ZFHX3: variants seen among roughly 807,000 people sequenced by gnomAD.
ZFHX3 encodes zinc finger homeobox protein 3.
Under a neutral mutation model 279.1 loss-of-function variants are expected in ZFHX3, and 42 were observed. That is an observed-to-expected ratio of 0.15 (90% CI 0.12 to 0.19). The LOEUF is 0.19. Among genes scored for constraint, ZFHX3 ranks in the 10% least tolerant of loss-of-function variants. The pLI, the probability that ZFHX3 is intolerant of heterozygous loss-of-function variation, is 1.00. For missense variants in ZFHX3, 4,981 were observed against 4,754.0 expected (o/e 1.05, Z -1.40); for synonymous variants, 2,293 against 1,957.8 (o/e 1.17, Z -4.52).
At chr16:73,213,957 C>CA (rs892125461) in intron 5 of ZFHX3, among the ~76,000 whole-genome samples, 1 of 152,190 alleles carries the variant, frequency 6.6e-6, no homozygotes, top group Admixed American at 6.5e-5. Flanking sequence ...TTATTAAGAA[C>CA]ATATTTACCA....
chr16:73,648,025 C>G (rs930775043), intron 2 of ZFHX3, among the ~76,000 whole-genome samples: 4 of 152,162 alleles, frequency 2.6e-5, no homozygotes, highest in African/African-American at 7.2e-5. Context: ...AAAGTGTGGT[C>G]TTTCATGCAC....
At chr16:73,048,971 T>C (rs575420806), upstream of ZFHX3, among the ~76,000 whole-genome samples, 125 of 152,302 alleles carry the variant, frequency 8.2e-4, no homozygotes, top group Admixed American at 2.5e-3. Flanking sequence ...ACCGCAGAGA[T>C]AGCAAAGATC....
intron 3 of ZFHX3, among the ~76,000 whole-genome samples, chr16:72,900,126 A>G (rs1053381536): frequency 9.0e-6 from 1 of 110,712 alleles, no homozygotes; most frequent in African/African-American, 3.9e-5. Flanking sequence ...GCTTAAGCCC[A>G]TGCCCTTGCC....
At chr16:73,121,059 T>C (rs1041960323) in intron 7 of ZFHX3, among the ~76,000 whole-genome samples, 1 of 152,242 alleles carries the variant, frequency 6.6e-6, no homozygotes, top group Non-Finnish European at 1.5e-5. Flanking sequence ...ACTTGAAATG[T>C]GGCTACTGCC....
At chr16:73,085,158 C>T (rs985642850) in intron 8 of ZFHX3, among the ~76,000 whole-genome samples, 1 of 152,138 alleles carries the variant, frequency 6.6e-6, no homozygotes, top group African/African-American at 2.4e-5. Context: ...GCCATAGTAA[C>T]CAAAACAGCA....
intron 2 of ZFHX3, among the ~76,000 whole-genome samples, chr16:73,612,046 C>T (rs1305292129): frequency 3.3e-5 from 5 of 151,862 alleles, no homozygotes; most frequent in East Asian, 1.9e-4. Flanking sequence ...GTTTATAAAC[C>T]GAGTTGGATT....
intron 1 of ZFHX3, among the ~76,000 whole-genome samples, chr16:73,753,103 G>A (rs375638371): frequency 9.9e-5 from 15 of 152,144 alleles, no homozygotes; most frequent in East Asian, 1.9e-4. Flanking sequence ...GTGGGTTAGC[G>A]TTCCTAAGCA....
At chr16:73,101,477 C>T (rs910492485) in intron 7 of ZFHX3, among the ~76,000 whole-genome samples, 1 of 152,160 alleles carries the variant, frequency 6.6e-6, no homozygotes, top group Admixed American at 6.5e-5. Flanking sequence ...CTCCCTGGTT[C>T]GAGCAATTCT....
At chr16:73,136,725 CAAAAAAAAAAAAA>C (rs397855836) in intron 6 of ZFHX3, among the ~76,000 whole-genome samples, 3 of 41,620 alleles carry the variant, frequency 7.2e-5, no homozygotes, top group Admixed American at 3.9e-4. Flanking sequence ...GACTCTGCCT[CAAAAAAAAAAAAA>C]AAAAAAAAAA....
At chr16:73,581,225 C>T (rs2051857505) in intron 2 of ZFHX3, among the ~76,000 whole-genome samples, 1 of 151,698 alleles carries the variant, frequency 6.6e-6, no homozygotes, top group Non-Finnish European at 1.5e-5. Flanking sequence ...TAGGCAGAAA[C>T]CCACCAACAT....
At chr16:73,515,777 T>A (rs1371562136) in intron 2 of ZFHX3, among the ~76,000 whole-genome samples, 4 of 152,178 alleles carry the variant, frequency 2.6e-5, no homozygotes, top group Non-Finnish European at 5.9e-5. Flanking sequence ...TTAGGAGACG[T>A]TTCTTGGAGC....
intron 1 of ZFHX3, among the ~76,000 whole-genome samples, chr16:73,042,856 C>T (rs1418512269): frequency 2.6e-5 from 4 of 151,898 alleles, no homozygotes; most frequent in Non-Finnish European, 5.9e-5. Context: ...ACTGCTGCCC[C>T]GAAAGACCCA....
In ZFHX3 at chr16:73,297,400, C is replaced by T. The variant is rs140596099; in HGVS notation, c.-1194+20840G>A. ...TGTGTTGAAAAGCACTGTCCTTCCC[C>T]AGACAGCTGGTAACCCTGTTATCTT... On this transcript the variant is annotated intron_variant, in intron 4 of 17. Coordinates refer to the ZFHX3 transcript ENST00000641206. 1.9e-3 allele frequency among the ~76,000 whole-genome samples: 284 copies of T among 152,128 alleles called. 12 individuals are homozygous for T. Among genetic ancestry groups the T allele is most frequent in the African/African-American group, 6.5e-3 (271 of 41,380 alleles).
intron 1 of ZFHX3, among the ~76,000 whole-genome samples, chr16:73,751,756 C>T (rs1409711549): frequency 6.6e-6 from 1 of 152,156 alleles, no homozygotes; most frequent in Non-Finnish European, 1.5e-5. Context: ...CCTGCTTCCA[C>T]AACCTCAACT....
intron 7 of ZFHX3, chr16:73,099,259 C>T (rs772889967): frequency 1.3e-5 from 2 of 152,180 alleles, no homozygotes; most frequent in Non-Finnish European, 2.9e-5. Flanking sequence ...GTTCACAGAA[C>T]GGCTACATGT....
chr16:73,669,452 AC>A (rs2052880124), intron 2 of ZFHX3, among the ~76,000 whole-genome samples: 1 of 152,252 alleles, frequency 6.6e-6, no homozygotes, highest in Admixed American at 6.5e-5. Context: ...AGTAGAACAC[AC>A]CACCATATAT....
intron 2 of ZFHX3, among the ~76,000 whole-genome samples, chr16:73,649,866 A>G (rs560949885): frequency 6.6e-6 from 1 of 152,312 alleles, no homozygotes; most frequent in Non-Finnish European, 1.5e-5. Context: ...AAGGGTAGCT[A>G]GAGTAATTCT....
chr16:73,590,057 T>C (rs1164845958), intron 2 of ZFHX3, among the ~76,000 whole-genome samples: 1 of 152,142 alleles, frequency 6.6e-6, no homozygotes, highest in Non-Finnish European at 1.5e-5. Flanking sequence ...TTTGTACACA[T>C]ATTGTAGGAT....
rs552207062 is a variant in ZFHX3, at chr16:73,816,444, T to C, written c.-1608+75207A>G. The stretch of plus-strand genomic sequence containing the variant: ...CCCCCTATCTTTATAAATAAAGTTT[T>C]ATTGGAACACAGCCACTCATTCATT... On this transcript the variant is annotated intron_variant, in intron 1 of 17. Transcript: ENST00000641206. 4.6e-5 allele frequency among the ~76,000 whole-genome samples: 7 copies of C among 152,336 alleles called. No individual in the cohort carries two copies. In the East Asian group the frequency reaches 1.2e-3, roughly 25 times the overall value.
Sources: allele counts gnomAD v4.1 joint callset (sites outside exome capture counted in the v4.1 genomes callset), GRCh38; gene constraint gnomAD v4.1.1; transcripts MANE v1.5; gene names NCBI Gene and HGNC (gene_info 2026-07-23, HGNC 2026-07-21).